Variants in COLEC12 observed in about 807,000 individuals in gnomAD.
COLEC12 encodes collectin-12.
Under a neutral mutation model 71.1 loss-of-function variants are expected in COLEC12, and 33 were observed. The ratio of observed to expected loss-of-function variants is 0.46; its 90% confidence interval spans 0.35 to 0.62. The LOEUF (loss-of-function observed/expected upper bound fraction) is 0.62, where lower values mean the gene tolerates loss of function less well. COLEC12 is among the 20% of genes least tolerant of loss of function. The probability of loss-of-function intolerance (pLI) is 0.00; values close to 1 mark genes in which losing one functional copy is unlikely to be tolerated. For synonymous variants in COLEC12, 350 were observed against 353.0 expected, an observed-to-expected ratio of 0.99 and a Z score of 0.10; for missense variants, 765 against 916.1, an observed-to-expected ratio of 0.84 and a Z score of 2.13.
intron 2 of COLEC12, among the ~76,000 whole-genome samples, chr18:435,630 C>A (rs1916389336): frequency 6.6e-6 from 1 of 152,112 alleles, no homozygotes; most frequent in African/African-American, 2.4e-5. Flanking sequence ...GGCTAATACA[C>A]ATTTGAAGTC....
rs189798892 is a variant in COLEC12, at chr18:405,687, G to A, written c.59-48165C>T. On this transcript the variant is annotated intron_variant, in intron 2 of 9. Coordinates refer to ENST00000400256, the MANE Select transcript of COLEC12 (RefSeq NM_130386.3). ...TCCATTCATGGCCATATGGCTGGTG[G>A]TCAACACAAATAAGTTATAGGTATG... Among the ~76,000 whole-genome samples, 256 of 152,270 alleles carry A rather than the reference G, an allele frequency of 1.7e-3. 2 individuals carry two copies. Among genetic ancestry groups the A allele is most frequent in the African/African-American group, 5.7e-3 (236 of 41,562 alleles).
At chr18:422,634 GATT>G (rs1436143801) in intron 2 of COLEC12, among the ~76,000 whole-genome samples, 4 of 151,442 alleles carry the variant, frequency 2.6e-5, no homozygotes, top group East Asian at 1.9e-4. Flanking sequence ...TATTTTTATA[GATT>G]ATTTTATAAA....
rs1481977443 is a variant in COLEC12, at chr18:369,430, TA to T, written c.59-11909del. On this transcript the variant is annotated intron_variant, in intron 2 of 9. Transcript: ENST00000400256. ...TTATTTTTATTTTTATTTTTATTTT[TA>T]TTTTTTTTTGGAATAATGTTTTTTT... Among the ~76,000 whole-genome samples, 76 of 136,002 alleles carry T rather than the reference TA, an allele frequency of 5.6e-4. 1 individual carries two copies. Among genetic ancestry groups the T allele is most frequent in the Non-Finnish European group, 2.7e-4 (17 of 63,974 alleles). 89.2% of individuals were successfully genotyped at this position (136,002 alleles called of 152,430 possible). A position where few individuals can be genotyped will look rare whatever the true frequency, so the allele number is the denominator to read the frequency against.
At chr18:476,031 G>A (rs1228736148) in intron 2 of COLEC12, among the ~76,000 whole-genome samples, 1 of 152,184 alleles carries the variant, frequency 6.6e-6, no homozygotes, top group Non-Finnish European at 1.5e-5. Context: ...GTTAAAGCCT[G>A]GCTTGTTTGA....
chr18:450,574 C>A (rs752092634), intron 2 of COLEC12, among the ~76,000 whole-genome samples: 1 of 152,232 alleles, frequency 6.6e-6, no homozygotes, highest in African/African-American at 2.4e-5. Context: ...GCCTGCAGAA[C>A]TGTGAGCCAA....
At chr18:423,758 GTT>G (rs1198544112) in intron 2 of COLEC12, 1 of 151,660 alleles carries the variant, frequency 6.6e-6, no homozygotes, top group Non-Finnish European at 1.5e-5. Flanking sequence ...GTTTTTTTTT[GTT>G]TTGTTTTTTT....
chr18:411,551 C>G (rs923963219), intron 2 of COLEC12, among the ~76,000 whole-genome samples: 1 of 152,030 alleles, frequency 6.6e-6, no homozygotes, highest in African/African-American at 2.4e-5. Context: ...TAAAGAAGAA[C>G]CAGATGAAAA....
intron 2 of COLEC12, among the ~76,000 whole-genome samples, chr18:440,218 G>A (rs1940426): frequency 0.91 from 138,091 of 152,106 alleles, 63,166 homozygotes; most frequent in East Asian, 1. Flanking sequence ...GAATGGGGAG[G>A]TGCTGGTTAA....
intron 2 of COLEC12, among the ~76,000 whole-genome samples, chr18:374,699 T>C (rs1410873637): frequency 1.3e-5 from 2 of 152,220 alleles, no homozygotes; most frequent in East Asian, 1.9e-4. Flanking sequence ...ATTCTGTTTA[T>C]AAACATTTCC....
At position 423,763 on chromosome 18, in the gene COLEC12, G is replaced by GT. The variant is rs1245032162; in HGVS notation, c.58+56943dup. The GT allele has an allele frequency of 5.3e-4, 80 of 150,964 alleles. 1 individual carries two copies. Among genetic ancestry groups the GT allele is most frequent in the East Asian group, 7.8e-4 (4 of 5,128 alleles). 9.4% of individuals were successfully genotyped at this position (150,964 alleles called of 1,614,324 possible). On this transcript the variant is annotated intron_variant, in intron 2 of 9. Coordinates refer to ENST00000400256, the MANE Select transcript of COLEC12 (RefSeq NM_130386.3). ...TTTTTTGTTTGTTTTTTTTTGTTTT[G>GT]TTTTTTTTTCCCAGTCTTTTACAAT...
chr18:320,842 G>A (rs1041396692), intron 9 of COLEC12, among the ~76,000 whole-genome samples: 1 of 152,200 alleles, frequency 6.6e-6, no homozygotes, highest in Non-Finnish European at 1.5e-5. Context: ...TGTGTTAAAT[G>A]AAGCTTTAGA....
chr18:470,266 C>T (rs1322249850), intron 2 of COLEC12, among the ~76,000 whole-genome samples: 1 of 120,630 alleles, frequency 8.3e-6, no homozygotes, highest in African/African-American at 3.2e-5. Context: ...GAGTCTCGCT[C>T]GGTCTCCCAG....
chr18:417,692 G>C lies in COLEC12; in HGVS notation c.59-60170C>G, dbSNP rs139923997. On this transcript the variant is annotated intron_variant, in intron 2 of 9. Coordinates refer to ENST00000400256, the MANE Select transcript of COLEC12 (RefSeq NM_130386.3). The stretch of plus-strand genomic sequence containing the variant: ...GCCAGCGTTAGAAACACGATACACA[G>C]AACAGAAATTTCATTTCTGAGGCCT... Among the ~76,000 whole-genome samples, 223 of 152,304 alleles carry C rather than the reference G, an allele frequency of 1.5e-3. 1 individual carries two copies. The highest frequency in any genetic ancestry group is 4.8e-3 in the African/African-American group (201 of 41,562).
At chr18:368,709 CA>C (rs1276961942) in intron 2 of COLEC12, among the ~76,000 whole-genome samples, 121 of 150,930 alleles carry the variant, frequency 8.0e-4, no homozygotes, top group Middle Eastern at 6.9e-3. Flanking sequence ...CTAAAAAATA[CA>C]AAAAAATTAG....
chr18:480,261 G>A lies in COLEC12; in HGVS notation c.58+446C>T, dbSNP rs115380028. ...GGGGGCCATTCCCCAGCCTGCCACA[G>A]AGCCCCTGTGTCCAGGCAGATTCTT... is the stretch of plus-strand genomic sequence containing the variant. On this transcript the variant is annotated intron_variant, in intron 2 of 9. Coordinates refer to ENST00000400256, the MANE Select transcript of COLEC12 (RefSeq NM_130386.3). The surrounding 1 kb of genome is among the most constrained non-coding windows in gnomAD (Gnocchi z 4.1). 2.6e-3 allele frequency among the ~76,000 whole-genome samples: 396 copies of A among 152,342 alleles called. 4 individuals carry two copies. Among genetic ancestry groups the A allele is most frequent in the African/African-American group, 9.3e-3 (385 of 41,582 alleles).
intron 2 of COLEC12, among the ~76,000 whole-genome samples, chr18:380,982 T>C (rs1276347481): frequency 1.3e-5 from 2 of 152,160 alleles, no homozygotes; most frequent in African/African-American, 4.8e-5. Context: ...GAGCCATATA[T>C]TATTTCCATA....
chr18:434,508 T>C (rs1916366468), intron 2 of COLEC12, among the ~76,000 whole-genome samples: 1 of 152,202 alleles, frequency 6.6e-6, no homozygotes, highest in South Asian at 2.1e-4. Context: ...CTATATTGCA[T>C]AAGCAGTCAC....
chr18:468,851 T>C (rs995311428), intron 2 of COLEC12, among the ~76,000 whole-genome samples: 12 of 152,250 alleles, frequency 7.9e-5, no homozygotes, highest in African/African-American at 2.7e-4. Context: ...GACTTCACTG[T>C]TTATCGGAGG....
intron 1 of COLEC12, among the ~76,000 whole-genome samples, chr18:483,482 C>T (rs955116861): frequency 6.6e-6 from 1 of 151,816 alleles, no homozygotes; most frequent in Non-Finnish European, 1.5e-5. Context: ...TGTATTTCAC[C>T]ATTGTCTCCT....
Sources: allele counts gnomAD v4.1 joint callset (sites outside exome capture counted in the v4.1 genomes callset), GRCh38; gene constraint gnomAD v4.1.1; non-coding constraint Gnocchi (gnomAD v3.1); transcripts MANE v1.5; gene names NCBI Gene and HGNC (gene_info 2026-07-23, HGNC 2026-07-21).